USP34: variants seen among roughly 807,000 people sequenced by gnomAD.
USP34 encodes the protein ubiquitin carboxyl-terminal hydrolase 34.
A neutral mutation model predicts 460.3 loss-of-function variants in USP34; 70 were observed. That is an observed-to-expected ratio of 0.15 (90% CI 0.13 to 0.19). USP34 has a LOEUF of 0.19. USP34 is among the 10% of genes least tolerant of loss of function. The pLI is 1.00. For synonymous variants in USP34, 1,647 were observed against 1,405.3 expected (o/e 1.17, Z -3.85); for missense variants, 3,985 against 4,236.2 (o/e 0.94, Z 1.65).
chr2:61,354,250 A>G (rs1692040110), intron 10 of USP34, among the ~76,000 whole-genome samples: 1 of 152,180 alleles, frequency 6.6e-6, no homozygotes, highest in South Asian at 2.1e-4. Flanking sequence ...AATCTCAAAA[A>G]CCACAAGTAA....
chr2:61,429,274 C>T (rs1029520734), intron 1 of USP34, among the ~76,000 whole-genome samples: 2 of 151,856 alleles, frequency 1.3e-5, no homozygotes, highest in Non-Finnish European at 2.9e-5. Context: ...GGTGAAACCC[C>T]GTCTCTACTA....
Position 61,245,202 on chromosome 2 carries a change from A to C in USP34, c.6627+8T>G, listed in dbSNP as rs1029686631. 1 of 1,607,632 alleles carries C rather than the reference A, an allele frequency of 6.2e-7. No individual in the cohort carries two copies. The highest frequency in any genetic ancestry group is 8.5e-7 in the Non-Finnish European group (1 of 1,175,562). ...ACAAACCATTTATAATTTCTGAATA[A>C]AACTTACCGTCATCTCTCCACCAAA... On this transcript the variant is annotated splice_region_variant and intron_variant, in intron 51 of 79. Transcript: ENST00000398571.
intron 75 of USP34, among the ~76,000 whole-genome samples, chr2:61,197,908 C>T (rs1043694414): frequency 1.5e-4 from 23 of 152,060 alleles, no homozygotes; most frequent in Admixed American, 1.3e-3. Flanking sequence ...TACAGGCGTG[C>T]GCCACCACGC....
chr2:61,194,744 TCA>T (rs1405170209), intron 75 of USP34, among the ~76,000 whole-genome samples: 1 of 151,810 alleles, frequency 6.6e-6, no homozygotes, highest in Non-Finnish European at 1.5e-5. Flanking sequence ...TCACCTGAGG[TCA>T]GGAATTCGCA....
intron 43 of USP34, among the ~76,000 whole-genome samples, chr2:61,264,628 C>T (rs893067852): frequency 6.6e-6 from 1 of 152,106 alleles, no homozygotes; most frequent in African/African-American, 2.4e-5. Flanking sequence ...GTGACAGACA[C>T]TGAGTCCTGC....
At chr2:61,446,267 T>A (rs1695114326) in intron 1 of USP34, among the ~76,000 whole-genome samples, 1 of 152,140 alleles carries the variant, frequency 6.6e-6, no homozygotes, top group Non-Finnish European at 1.5e-5. Flanking sequence ...GGGTCTAGCT[T>A]AATAGAAGAT....
intron 19 of USP34, among the ~76,000 whole-genome samples, chr2:61,333,162 C>G (rs1227802909): frequency 1.3e-5 from 2 of 151,944 alleles, no homozygotes; most frequent in Non-Finnish European, 2.9e-5. Flanking sequence ...GACTTATTAC[C>G]AAAACATGGG....
chr2:61,278,948 C>T (rs1281586755), intron 39 of USP34, among the ~76,000 whole-genome samples: 1 of 152,078 alleles, frequency 6.6e-6, no homozygotes, highest in East Asian at 1.9e-4. Flanking sequence ...AACTTTACTT[C>T]TCGTTATAAC....
chr2:61,434,546 C>G (rs146293884), intron 1 of USP34, among the ~76,000 whole-genome samples: 1 of 152,180 alleles, frequency 6.6e-6, no homozygotes, highest in Non-Finnish European at 1.5e-5. Context: ...GTGTCCCTGA[C>G]TTGAGAAACA....
intron 72 of USP34, 76 bp from the exon 73 acceptor site, chr2:61,204,677 C>T: frequency 8.7e-7 from 1 of 1,148,728 alleles, no homozygotes. Flanking sequence ...CTTACAAATC[C>T]TATGATTGCC....
Position 61,448,379 on chromosome 2 carries a change from G to C in USP34, c.43+22271C>G, listed in dbSNP as rs551133568. Among the ~76,000 whole-genome samples, 26 of 152,280 alleles carry C rather than the reference G, an allele frequency of 1.7e-4. No homozygotes were observed. The East Asian group carries it at 3.5e-3, about 20-fold the overall frequency. On this transcript the variant is annotated intron_variant, in intron 1 of 79. Coordinates refer to ENST00000398571, the MANE Select transcript of USP34 (RefSeq NM_014709.4). ...TCCCAGGAGGATCACCTTAGCTGAG[G>C]GGTTCAAGTCTGTAGTAAGCTGATA... is the stretch of plus-strand genomic sequence containing the variant.
At position 61,373,231 on chromosome 2, in the gene USP34, AATAG is replaced by A. The variant is rs561193945; in HGVS notation, c.1077-2656_1077-2653del. The stretch of plus-strand genomic sequence containing the variant: ...AGAATCTATATATATATACTATAAA[AATAG>A]ATAGTAAAGGAGAAATAGAGAAACA... On this transcript the variant is annotated intron_variant, in intron 8 of 79. Transcript: ENST00000398571. Among the ~76,000 whole-genome samples the A allele has an allele frequency of 1.0e-3, 155 of 152,178 alleles. 1 individual carries two copies. Among genetic ancestry groups the A allele is most frequent in the Non-Finnish European group, 1.8e-3 (125 of 67,994 alleles).
chr2:61,339,905 C>A (rs1691537396), intron 16 of USP34, among the ~76,000 whole-genome samples: 1 of 151,854 alleles, frequency 6.6e-6, no homozygotes, highest in Non-Finnish European at 1.5e-5. Flanking sequence ...CTTGTGGCCT[C>A]CAGTAATCTC....
At chr2:61,452,916 A>C (rs945643301) in intron 1 of USP34, among the ~76,000 whole-genome samples, 1 of 24,388 alleles carries the variant, frequency 4.1e-5, no homozygotes, top group Non-Finnish European at 1.0e-4. Flanking sequence ...AAAAAAAAAA[A>C]AAAAAAAAAA....
chr2:61,408,717 G>A (rs1232869251), intron 2 of USP34, among the ~76,000 whole-genome samples: 1 of 151,880 alleles, frequency 6.6e-6, no homozygotes, highest in Non-Finnish European at 1.5e-5. Flanking sequence ...CCAACATGGT[G>A]AAACCTCTTC....
At chr2:61,452,047 G>A (rs997685207) in intron 1 of USP34, among the ~76,000 whole-genome samples, 11 of 151,596 alleles carry the variant, frequency 7.3e-5, no homozygotes, top group Admixed American at 3.3e-4. Flanking sequence ...GGTGGCGGGC[G>A]CCTGTAGTCC....
At chr2:61,366,873 C>G (rs571771581) in intron 10 of USP34, among the ~76,000 whole-genome samples, 1 of 152,026 alleles carries the variant, frequency 6.6e-6, no homozygotes, top group Non-Finnish European at 1.5e-5. Flanking sequence ...CAAGGCAAAG[C>G]CTCGTCTCTG....
intron 1 of USP34, among the ~76,000 whole-genome samples, chr2:61,469,629 C>A (rs1437367549): frequency 6.6e-6 from 1 of 152,052 alleles, no homozygotes; most frequent in South Asian, 2.1e-4. Flanking sequence ...ACTGTTTTAG[C>A]GAATTGTATT....
intron 2 of USP34, among the ~76,000 whole-genome samples, chr2:61,417,681 T>C (rs1425085170): frequency 6.6e-6 from 1 of 151,020 alleles, no homozygotes. Context: ...GACTGTATCA[T>C]TTAAATAAGA....
Sources: allele counts gnomAD v4.1 joint callset (sites outside exome capture counted in the v4.1 genomes callset), GRCh38; gene constraint gnomAD v4.1.1; transcripts MANE v1.5; gene names NCBI Gene and HGNC (gene_info 2026-07-23, HGNC 2026-07-21).